TCHH: variants seen among roughly 807,000 people sequenced by gnomAD.
TCHH encodes the protein trichohyalin.
Under a neutral mutation model 6.3 loss-of-function variants are expected in TCHH, and 6 were observed. That is an observed-to-expected ratio of 0.95 (90% CI 0.52 to 1.88). The LOEUF (loss-of-function observed/expected upper bound fraction) is 1.88, where lower values mean the gene tolerates loss of function less well. Ranked by LOEUF, TCHH falls within the 40% of genes most tolerant of loss-of-function variation. The pLI, the probability that TCHH is intolerant of heterozygous loss-of-function variation, is 0.01. For synonymous variants in TCHH, 1,087 were observed against 963.6 expected, an observed-to-expected ratio of 1.13 and a Z score of -2.37; for missense variants, 2,920 against 2,449.1, an observed-to-expected ratio of 1.19 and a Z score of -4.06.
chr1:152,107,784 C>G lies in TCHH; in HGVS notation c.5433G>C (p.Gln1811His), dbSNP rs1658152333. ...EQLRQEREEQ[Q>H]LRPQQRDGKY... ...TTCCGTCACGCTGTTGGGGGCGCAGCTGCTGTTCTTCCCTCTCCTGGCGTA... is the reference window on the plus strand; with the variant it reads ...TTCCGTCACGCTGTTGGGGGCGCAGGTGCTGTTCTTCCCTCTCCTGGCGTA... Residue 1811 changes from glutamine (Q) to histidine (H), a missense_variant, in exon 3 of 3, where the codon CAG (glutamine) becomes CAC (histidine). Physicochemically the swap from Gln to His is conservative, Grantham distance 24. Coordinates refer to ENST00000614923, the MANE Select transcript of TCHH (RefSeq NM_007113.4). 6.2e-7 allele frequency: 1 copy of G among 1,614,220 alleles called. No homozygotes were observed.
intron 2 of TCHH, among the ~76,000 whole-genome samples, chr1:152,113,375 C>T (rs1367117580): frequency 6.6e-6 from 1 of 152,152 alleles, no homozygotes; most frequent in African/African-American, 2.4e-5. Flanking sequence ...GAGGCAGAGC[C>T]TGAGGTGAAG....
chr1:152,110,776 T>C lies in TCHH; in HGVS notation c.2441A>G (p.Glu814Gly). ...QQREQRFLPEEEEKEQRRRQR... is the reference protein window; with the variant it reads ...QQREQRFLPEGEEKEQRRRQR... ...GCGGCGCCGCTGCTCCTTCTCCTCC[T>C]CCTCCGGGAGAAACCGTTGTTCCCG... Residue 814 changes from glutamate (E) to glycine (G), a missense_variant, in exon 3 of 3, where the codon GAG becomes GGG. By Grantham distance (98) the Glu-to-Gly change is moderately conservative. Transcript: ENST00000614923. 6.2e-7 allele frequency: 1 copy of C among 1,607,508 alleles called. No homozygotes were observed. Among genetic ancestry groups the C allele is most frequent in the Non-Finnish European group, 8.5e-7 (1 of 1,179,818 alleles).
rs1327008299 is a variant in TCHH, at chr1:152,110,534, G to C, written c.2683C>G (p.Leu895Val). ...RRHTLYAKPA[L>V]QEQLRKEQQL... The stretch of plus-strand genomic sequence containing the variant: ...TGTTCCTTCCTCAGCTGCTCTTGTA[G>C]GGCTGGCTTGGCGTACAGCGTGTGG... The change falls in exon 3 of 3, where the codon CTA becomes GTA. Residue 895 changes from leucine (L) to valine (V), a missense_variant. By Grantham distance (32) the Leu-to-Val change is conservative. Transcript: ENST00000614923. 6.2e-7 allele frequency: 1 copy of C among 1,614,060 alleles called. No individual in the cohort carries two copies. Among genetic ancestry groups the C allele is most frequent in the South Asian group, 1.1e-5 (1 of 91,070 alleles).
In TCHH at chr1:152,107,748, C is replaced by A; in HGVS notation, c.5469G>T (p.Trp1823Cys). 2 of 1,614,204 alleles carry A rather than the reference C, an allele frequency of 1.2e-6. No homozygotes were observed. Among genetic ancestry groups the A allele is most frequent in the Non-Finnish European group, 1.7e-6 (2 of 1,180,046 alleles). Residue 1823 changes from tryptophan (W) to cysteine (C), a missense_variant, in exon 3 of 3, where the codon TGG (tryptophan) becomes TGT (cysteine). Trp to Cys is a radical substitution (Grantham distance 215). Coordinates refer to ENST00000614923, the MANE Select transcript of TCHH (RefSeq NM_007113.4). ...RPQQRDGKYR[W>C]EEEQLQLEEQ... ...CCTCAAGTTGGAGCTGCTCTTCTTC[C>A]CAGCGATACTTTCCGTCACGCTGTT... is the stretch of plus-strand genomic sequence containing the variant.
At chr1:152,113,841 G>A (rs540261359) in intron 2 of TCHH, 102 bp downstream of exon 2, 200 of 1,357,330 alleles carry the variant, frequency 1.5e-4, no homozygotes, top group Non-Finnish European at 2.0e-4. Flanking sequence ...ACCTGTTGTG[G>A]TGTAAAATGA....
In TCHH at chr1:152,107,396, A is replaced by T. The variant is rs778226696; in HGVS notation, c.5821T>A (p.Tyr1941Asn). ...ATTGGCAACATCACTTAAGGGCGGT[A>T]TTGAGATCTCTGCTCTTGGATGTAC... Reference protein sequence around the residue: ...YEYIQEQRSQYRP With the variant: ...YEYIQEQRSQNRP Residue 1941 changes from tyrosine to asparagine, a missense_variant, in exon 3 of 3, where the codon TAC becomes AAC. Tyr to Asn is a moderately radical substitution (Grantham distance 143). Coordinates refer to ENST00000614923, the MANE Select transcript of TCHH (RefSeq NM_007113.4). 2 of 1,567,966 alleles carry T rather than the reference A, an allele frequency of 1.3e-6. No homozygotes were observed. Among genetic ancestry groups the T allele is most frequent in the South Asian group, 2.4e-5 (2 of 84,282 alleles).
chr1:152,109,030 TC>T lies in TCHH; in HGVS notation c.4186del (p.Glu1396AsnfsTer28). The T allele has an allele frequency of 1.9e-6, 3 of 1,613,906 alleles. No homozygotes were observed. Among genetic ancestry groups the T allele is most frequent in the Non-Finnish European group, 2.5e-6 (3 of 1,179,846 alleles). ...QERERKFLKE[E>X]QQLRCQEREQ... ...GCGCTCCTGGCAGCGCAGCTGCTGT[TC>T]CTCCTTAAGGAATTTTCTCTCCCGT... On this transcript the variant is annotated frameshift_variant, in exon 3 of 3. Coordinates refer to ENST00000614923, the MANE Select transcript of TCHH (RefSeq NM_007113.4). LOFTEE classifies it low-confidence loss of function (END_TRUNC).
At chr1:152,114,454 A>G (rs745616181) in intron 1 of TCHH, among the ~76,000 whole-genome samples, 3 of 152,232 alleles carry the variant, frequency 2.0e-5, no homozygotes, top group Non-Finnish European at 4.4e-5. Context: ...AAAATTTTAT[A>G]TATGTCTACA....
intron 1 of TCHH, 100 bp from the exon 2 acceptor site, chr1:152,114,211 T>TATA (rs750672652): frequency 1.9e-4 from 153 of 822,460 alleles, no homozygotes; most frequent in Non-Finnish European, 3.2e-5. Flanking sequence ...AATTTGAATT[T>TATA]ATAGCGGTAA....
chr1:152,107,786 G>A lies in TCHH; in HGVS notation c.5431C>T (p.Gln1811Ter). Residue 1811 changes from glutamine (Q) to a stop codon, truncating the protein, a stop_gained, in exon 3 of 3, where the codon CAG becomes TAG. Coordinates refer to ENST00000614923, the MANE Select transcript of TCHH (RefSeq NM_007113.4). LOFTEE classifies it low-confidence loss of function (END_TRUNC). ...EQLRQEREEQ[Q>*]LRPQQRDGKY... is the part of the protein sequence containing the mutation. Reference sequence around the variant, plus strand: ...CCGTCACGCTGTTGGGGGCGCAGCTGCTGTTCTTCCCTCTCCTGGCGTAGC... The same window carrying A: ...CCGTCACGCTGTTGGGGGCGCAGCTACTGTTCTTCCCTCTCCTGGCGTAGC... 1.2e-6 allele frequency: 2 copies of A among 1,614,176 alleles called. No individual in the cohort carries two copies. Among genetic ancestry groups the A allele is most frequent in the Non-Finnish European group, 1.7e-6 (2 of 1,180,006 alleles).
In TCHH at chr1:152,110,525, G is replaced by T; in HGVS notation, c.2692C>A (p.Gln898Lys). 2 of 1,614,138 alleles carry T rather than the reference G, an allele frequency of 1.2e-6. No individual in the cohort carries two copies. The highest frequency in any genetic ancestry group is 1.7e-6 in the Non-Finnish European group (2 of 1,180,020). ...AGCAGCTGCTGTTCCTTCCTCAGCTGCTCTTGTAGGGCTGGCTTGGCGTAC... is the reference window on the plus strand; with the variant it reads ...AGCAGCTGCTGTTCCTTCCTCAGCTTCTCTTGTAGGGCTGGCTTGGCGTAC... Reference protein sequence around the residue: ...TLYAKPALQEQLRKEQQLLQE... With the variant: ...TLYAKPALQEKLRKEQQLLQE... Residue 898 changes from glutamine (Q) to lysine (K), a missense_variant, in exon 3 of 3, where the codon CAG becomes AAG. By Grantham distance (53) the Gln-to-Lys change is moderately conservative. Coordinates refer to ENST00000614923, the MANE Select transcript of TCHH (RefSeq NM_007113.4).
chr1:152,111,221 C>G lies in TCHH; in HGVS notation c.1996G>C (p.Glu666Gln). The change falls in exon 3 of 3, where the codon GAG (glutamate) becomes CAG (glutamine). Residue 666 changes from glutamate (E) to glutamine (Q), a missense_variant. Physicochemically the swap from Glu to Gln is conservative, Grantham distance 29. Transcript: ENST00000614923. Reference sequence around the variant, plus strand: ...CGCTTCAGCCGCTGCTCGAGCCTCTCTTCCTCCTCCTCGCGCTTCAGCCGC... The same window carrying G: ...CGCTTCAGCCGCTGCTCGAGCCTCTGTTCCTCCTCCTCGCGCTTCAGCCGC... Reference protein sequence around the residue: ...EQRLKREEEEERLEQRLKREH... With the variant: ...EQRLKREEEEQRLEQRLKREH... The G allele has an allele frequency of 6.2e-7, 1 of 1,608,942 alleles. No homozygotes were observed. Among genetic ancestry groups the G allele is most frequent in the East Asian group, 2.2e-5 (1 of 44,472 alleles).
rs191232378 is a variant in TCHH at position 152,109,731 on chromosome 1, C to T, written c.3486G>A (p.Arg1162=). ...QLLREEPEKR[R]RQELERQYRE... is the part of the protein sequence containing the mutation. ...GGTATTGCCTCTCCAGCTCCTGGCGCCTTCTCTTCTCCGGTTCCTCTCTCA... is the reference window on the plus strand; with the variant it reads ...GGTATTGCCTCTCCAGCTCCTGGCGTCTTCTCTTCTCCGGTTCCTCTCTCA... Residue 1162 remains arginine, a synonymous_variant, in exon 3 of 3, where the codon AGG becomes AGA. Transcript: ENST00000614923. 510 of 1,602,780 alleles carry T rather than the reference C, an allele frequency of 3.2e-4. 4 individuals are homozygous for T. The African/African-American group carries it at 6.3e-3, about 20-fold the overall frequency.
Position 152,111,684 on chromosome 1 carries a change from TTGCTCCCGCCTTAGTTGC to T in TCHH, c.1515_1532del (p.Gln506_Gln511del). On this transcript the variant is annotated inframe_deletion, in exon 3 of 3. Coordinates refer to ENST00000614923, the MANE Select transcript of TCHH (RefSeq NM_007113.4). ...TCAGCCGCTGCTCGCGCCTCTCCTC[TTGCTCCCGCCTTAGTTGC>T]TGCTCGCGCCTCTCCTGCTGCTCGC... 5.5e-6 allele frequency: 7 copies of T among 1,268,964 alleles called. No homozygotes were observed. Among genetic ancestry groups the T allele is most frequent in the Non-Finnish European group, 7.3e-6 (7 of 963,698 alleles). 78.6% of individuals were successfully genotyped at this position (1,268,964 alleles called of 1,614,324 possible).
At chr1:152,114,217 G>T in intron 1 of TCHH, 106 bp from the exon 2 acceptor site, 2 of 767,248 alleles carry the variant, frequency 2.6e-6, no homozygotes, top group South Asian at 2.2e-5. Flanking sequence ...AATTTATAGC[G>T]GTAATTTCAA....
rs774690540 is a variant in TCHH, at chr1:152,107,823, G to T, written c.5394C>A (p.Arg1798=). The change falls in exon 3 of 3, where the codon CGC becomes CGA. Residue 1798 remains arginine, a synonymous_variant. Transcript: ENST00000614923. ...LRSQESDRKF[R]EEEQLRQERE... is the part of the protein sequence containing the mutation. ...TCTCCTGGCGTAGCTGTTCCTCCTC[G>T]CGGAATTTTCTGTCAGACTCTTGGC... 3 of 1,612,422 alleles carry T rather than the reference G, an allele frequency of 1.9e-6. No homozygotes were observed. Among genetic ancestry groups the T allele is most frequent in the Non-Finnish European group, 1.7e-6 (2 of 1,179,594 alleles).
intron 2 of TCHH, 98 bp from the exon 3 acceptor site, chr1:152,113,176 A>G (rs1658434400): frequency 8.6e-7 from 1 of 1,163,252 alleles, no homozygotes; most frequent in South Asian, 1.7e-5. Context: ...CTGACATTCA[A>G]GAGACATTCA....
In TCHH at chr1:152,110,785, A is replaced by G; in HGVS notation, c.2432T>C (p.Leu811Pro). 6.2e-7 allele frequency: 1 copy of G among 1,607,084 alleles called. No homozygotes were observed. Among genetic ancestry groups the G allele is most frequent in the Non-Finnish European group, 8.5e-7 (1 of 1,179,690 alleles). ...CTGCTCCTTCTCCTCCTCCTCCGGG[A>G]GAAACCGTTGTTCCCGCTGCTGGCG... is the stretch of plus-strand genomic sequence containing the variant. The part of the protein sequence containing the change: ...EERQQREQRF[L>P]PEEEEKEQRR... The change falls in exon 3 of 3, where the codon CTC (leucine) becomes CCC (proline). Residue 811 changes from leucine (L) to proline (P), a missense_variant. Physicochemically the swap from Leu to Pro is moderately conservative, Grantham distance 98 (BLOSUM62 -3). Coordinates refer to ENST00000614923, the MANE Select transcript of TCHH (RefSeq NM_007113.4).
At position 152,107,778 on chromosome 1, in the gene TCHH, G is replaced by A. The variant is rs754051370; in HGVS notation, c.5439C>T (p.Arg1813=). The change falls in exon 3 of 3, where the codon CGC becomes CGT. Residue 1813 remains arginine (R), a synonymous_variant. Transcript: ENST00000614923. ...LRQEREEQQL[R]PQQRDGKYRW... ...GATACTTTCCGTCACGCTGTTGGGG[G>A]CGCAGCTGCTGTTCTTCCCTCTCCT... The A allele has an allele frequency of 2.5e-6, 4 of 1,614,162 alleles. No homozygotes were observed. In the South Asian group the frequency reaches 3.3e-5, roughly 13 times the overall value.
Sources: allele counts gnomAD v4.1 joint callset (sites outside exome capture counted in the v4.1 genomes callset), GRCh38; gene constraint gnomAD v4.1.1; transcripts MANE v1.5; gene names NCBI Gene and HGNC (gene_info 2026-07-23, HGNC 2026-07-21).